The following OLFM3 variants were observed in gnomAD, a reference collection of about 807,000 sequenced individuals.
The protein encoded by OLFM3 is noelin-3.
A neutral mutation model predicts 48.6 loss-of-function variants in OLFM3; 20 were observed. The observed-to-expected ratio is 0.41, with a 90% CI of 0.29 to 0.60. OLFM3 has a LOEUF of 0.60. OLFM3 is among the 20% of genes least tolerant of loss of function. The pLI is 0.28. For missense variants in OLFM3, 437 were observed against 544.3 expected, an observed-to-expected ratio of 0.80 and a Z score of 1.96; for synonymous variants, 222 against 198.1, an observed-to-expected ratio of 1.12 and a Z score of -1.01.
intron 1 of OLFM3, among the ~76,000 whole-genome samples, chr1:101,856,408 T>G (rs1034260316): frequency 6.6e-6 from 1 of 151,980 alleles, no homozygotes; most frequent in African/African-American, 2.4e-5. Context: ...ATTAAACACT[T>G]TTAACCTTAT....
chr1:101,970,812 G>A (rs80064122), intron 1 of OLFM3, among the ~76,000 whole-genome samples: 2,383 of 152,304 alleles, frequency 0.016, 57 homozygotes, highest in African/African-American at 0.054. Flanking sequence ...TTGAAGCATG[G>A]GTGGGAGTTT....
chr1:101,915,072 A>G (rs1658877716), intron 1 of OLFM3, among the ~76,000 whole-genome samples: 1 of 152,170 alleles, frequency 6.6e-6, no homozygotes, highest in Admixed American at 6.6e-5. Context: ...ATCGGTACCA[A>G]CACTACATAA....
At chr1:101,928,267 T>C (rs975086597) in intron 1 of OLFM3, among the ~76,000 whole-genome samples, 4 of 152,120 alleles carry the variant, frequency 2.6e-5, no homozygotes, top group African/African-American at 9.7e-5. Context: ...GTGCAAGTCT[T>C]TGGAAATATA....
intron 1 of OLFM3, among the ~76,000 whole-genome samples, chr1:101,854,769 G>A (rs1318216050): frequency 6.6e-6 from 1 of 151,974 alleles, no homozygotes; most frequent in African/African-American, 2.4e-5. Context: ...AGTCTCACGT[G>A]TACCCTTTCA....
chr1:101,903,519 G>T (rs778012082), intron 1 of OLFM3, among the ~76,000 whole-genome samples: 1 of 152,022 alleles, frequency 6.6e-6, no homozygotes, highest in Non-Finnish European at 1.5e-5. Context: ...ATTTTAGTCC[G>T]TGCATGATGT....
chr1:101,939,532 T>A (rs957669106), intron 1 of OLFM3, among the ~76,000 whole-genome samples: 1 of 152,150 alleles, frequency 6.6e-6, no homozygotes, highest in African/African-American at 2.4e-5. Context: ...TCTTCATAAA[T>A]GTGATGATAC....
intron 1 of OLFM3, among the ~76,000 whole-genome samples, chr1:101,875,964 G>A (rs1018020576): frequency 6.6e-6 from 1 of 152,000 alleles, no homozygotes; most frequent in Non-Finnish European, 1.5e-5. Flanking sequence ...TTACATAAAT[G>A]ACTGGCTTGC....
chr1:101,862,693 T>C (rs973386713), intron 1 of OLFM3, among the ~76,000 whole-genome samples: 1 of 152,156 alleles, frequency 6.6e-6, no homozygotes, highest in African/African-American at 2.4e-5. Flanking sequence ...TCACCAGAAA[T>C]GTGATTCAAT....
intron 1 of OLFM3, among the ~76,000 whole-genome samples, chr1:101,955,408 A>G (rs555751890): frequency 6.6e-6 from 1 of 152,114 alleles, no homozygotes; most frequent in Admixed American, 6.6e-5. Context: ...TGACATCTTT[A>G]ACCTTTCTTG....
intron 1 of OLFM3, among the ~76,000 whole-genome samples, chr1:101,946,383 T>A (rs975360375): frequency 6.6e-6 from 1 of 152,192 alleles, no homozygotes; most frequent in Non-Finnish European, 1.5e-5. Context: ...CAGAAGTGGT[T>A]TTCAAAGTTG....
chr1:101,913,670 C>A (rs757702861), intron 1 of OLFM3, among the ~76,000 whole-genome samples: 6 of 136,612 alleles, frequency 4.4e-5, no homozygotes, highest in Non-Finnish European at 6.4e-5. Context: ...AAACCTTAAT[C>A]CTAAAAGCCC....
intron 1 of OLFM3, among the ~76,000 whole-genome samples, chr1:101,970,250 C>T (rs1660743698): frequency 6.6e-6 from 1 of 152,160 alleles, no homozygotes; most frequent in African/African-American, 2.4e-5. Context: ...CTCCTGACCT[C>T]AGGTGATCCA....
chr1:101,963,929 T>G (rs746037467), intron 1 of OLFM3, among the ~76,000 whole-genome samples: 1 of 152,180 alleles, frequency 6.6e-6, no homozygotes, highest in South Asian at 2.1e-4. Context: ...AAGATAACCA[T>G]GTGCTAGAAG....
chr1:101,828,024 C>CTCTGTCTG (rs1557691322), intron 3 of OLFM3, among the ~76,000 whole-genome samples: 179 of 105,316 alleles, frequency 1.7e-3, no homozygotes, highest in African/African-American at 5.9e-3. Flanking sequence ...CTCTCTCTCT[C>CTCTGTCTG]TCTCTCTCTG....
At chr1:101,865,617 A>G (rs1656829380) in intron 1 of OLFM3, among the ~76,000 whole-genome samples, 1 of 152,198 alleles carries the variant, frequency 6.6e-6, no homozygotes, top group South Asian at 2.1e-4. Context: ...CTTTGTGCCA[A>G]TGTACCATAT....
intron 1 of OLFM3, among the ~76,000 whole-genome samples, chr1:101,991,270 T>C (rs1306368218): frequency 6.6e-6 from 1 of 152,020 alleles, no homozygotes; most frequent in African/African-American, 2.4e-5. Flanking sequence ...TTCACTGTAA[T>C]TAATTTCACA....
chr1:101,892,205 G>A (rs111997080), intron 1 of OLFM3, among the ~76,000 whole-genome samples: 157 of 152,022 alleles, frequency 1.0e-3, no homozygotes, highest in African/African-American at 3.5e-3. Context: ...GGTGTGCCAA[G>A]CAAGAGATGT....
chr1:101,853,902 G>A (rs1656318550), intron 1 of OLFM3, among the ~76,000 whole-genome samples: 1 of 151,992 alleles, frequency 6.6e-6, no homozygotes, highest in Non-Finnish European at 1.5e-5. Context: ...TCTAAGCCAA[G>A]AAGTACTAAC....
At chr1:101,988,008 G>A (rs1405280081) in intron 1 of OLFM3, among the ~76,000 whole-genome samples, 4 of 151,882 alleles carry the variant, frequency 2.6e-5, no homozygotes, top group Non-Finnish European at 5.9e-5. Flanking sequence ...ATTCTTGATG[G>A]TGGTGCTATG....
Sources: gnomAD v4.1 joint callset for allele counts (sites outside exome capture counted in the v4.1 genomes callset) on GRCh38, gnomAD v4.1.1 for gene constraint, MANE v1.5 for transcripts, NCBI Gene and HGNC (gene_info 2026-07-23, HGNC 2026-07-21) for gene names.